Variants in NFIC observed in about 807,000 individuals in gnomAD.
The protein encoded by NFIC is nuclear factor I C.
In NFIC, 12 loss-of-function variants were observed where a neutral mutation model predicts 54.4. The observed-to-expected ratio is 0.22, with a 90% CI of 0.14 to 0.36. NFIC has a LOEUF of 0.36. Ranked by LOEUF, NFIC falls within the 10% of genes least tolerant of loss-of-function variation. The pLI, the probability that NFIC is intolerant of heterozygous loss-of-function variation, is 1.00. For missense variants in NFIC, 575 were observed against 718.2 expected (o/e 0.80, Z 2.28); for synonymous variants, 322 against 319.2 (o/e 1.01, Z -0.09).
intron 2 of NFIC, among the ~76,000 whole-genome samples, chr19:3,404,634 G>C (rs913085982): frequency 1.3e-5 from 2 of 151,984 alleles, no homozygotes; most frequent in African/African-American, 4.8e-5. Flanking sequence ...GGGTGCCCGA[G>C]GCCGGTGCCA....
At chr19:3,435,014 A>C in intron 5 of NFIC, 69 bp from the exon 6 acceptor site, 1 of 1,479,498 alleles carries the variant, frequency 6.8e-7, no homozygotes, top group Non-Finnish European at 9.1e-7. Flanking sequence ...GAAGTAGCAA[A>C]GCCCGCCGTC....
chr19:3,468,220 A>G lies in NFIC; in HGVS notation c.*5451A>G, dbSNP rs2082742973. On this transcript the variant is annotated 3_prime_UTR_variant, in exon 11 of 11. Coordinates refer to ENST00000443272, the MANE Select transcript of NFIC (RefSeq NM_001245002.2). ...CCCGTCCATGGCAGCCCCCTCCCCA[A>G]GGCTTTGCTCACACCTGAGACAGGA... 1 of 84,152 alleles carries G rather than the reference A, an allele frequency of 1.2e-5. No homozygotes were observed. The highest frequency in any genetic ancestry group is 2.3e-5 in the Non-Finnish European group (1 of 43,050). 5.2% of individuals were successfully genotyped at this position (84,152 alleles called of 1,614,324 possible).
intron 6 of NFIC, among the ~76,000 whole-genome samples, chr19:3,446,316 G>T (rs1042643813): frequency 6.6e-6 from 1 of 152,132 alleles, no homozygotes; most frequent in African/African-American, 2.4e-5. Flanking sequence ...AACCCAGAGG[G>T]TCTCACCCAC....
intron 1 of NFIC, among the ~76,000 whole-genome samples, chr19:3,367,436 G>T (rs575723898): frequency 9.9e-5 from 15 of 152,188 alleles, no homozygotes; most frequent in African/African-American, 3.1e-4. Context: ...GCACTGCGGC[G>T]CTGCGGACGC....
chr19:3,430,323 A>G (rs891632448), intron 3 of NFIC, among the ~76,000 whole-genome samples: 7 of 151,634 alleles, frequency 4.6e-5, no homozygotes, highest in African/African-American at 1.7e-4. Flanking sequence ...TCCTGGTTCA[A>G]GCAATTCTCA....
chr19:3,444,080 C>T (rs943193966), intron 6 of NFIC, among the ~76,000 whole-genome samples: 2 of 134,288 alleles, frequency 1.5e-5, no homozygotes, highest in African/African-American at 2.6e-5. Flanking sequence ...GCTGCTCCGA[C>T]GGGGTGATGA....
At chr19:3,385,083 C>T (rs1467334833) in intron 2 of NFIC, among the ~76,000 whole-genome samples, 2 of 146,630 alleles carry the variant, frequency 1.4e-5, no homozygotes, top group East Asian at 4.3e-4. Context: ...GTTGGCCTCT[C>T]TGAGTGAAGG....
intron 9 of NFIC, among the ~76,000 whole-genome samples, chr19:3,454,987 G>A (rs28520655): frequency 6.6e-6 from 1 of 152,190 alleles, no homozygotes; most frequent in Admixed American, 6.5e-5. Flanking sequence ...TGTGACCTCA[G>A]GCAGGTGTCT....
chr19:3,420,552 C>CAAAAAAAA (rs138825735), intron 2 of NFIC, among the ~76,000 whole-genome samples: 3 of 38,142 alleles, frequency 7.9e-5, no homozygotes, highest in African/African-American at 1.8e-4. Flanking sequence ...GATTCCATCT[C>CAAAAAAAA]AAAAAAATAA....
intron 10 of NFIC, among the ~76,000 whole-genome samples, chr19:3,460,508 T>C (rs950754461): frequency 6.6e-6 from 1 of 152,054 alleles, no homozygotes; most frequent in African/African-American, 2.4e-5. Context: ...TTTTTTGTTT[T>C]TTTTTGGTTT....
intron 2 of NFIC, among the ~76,000 whole-genome samples, chr19:3,394,811 A>G (rs1005706627): frequency 6.6e-6 from 1 of 151,940 alleles, no homozygotes; most frequent in African/African-American, 2.4e-5. Context: ...CCCCATGGTG[A>G]ACTGAACATA....
rs1410918014 is a variant in NFIC at position 3,375,381 on chromosome 19, A to G, written c.31-6331A>G. On this transcript the variant is annotated intron_variant, in intron 1 of 10. Transcript: ENST00000443272. This position sits in a 1 kb window ranked among gnomAD's most constrained non-coding sequence, Gnocchi z 4.6. ...TCCCACTGTGCCCCCCACCACCCCC[A>G]CTGCCCGGCTTCCCTGGCCAGACCA... is the stretch of plus-strand genomic sequence containing the variant. Among the ~76,000 whole-genome samples the G allele has an allele frequency of 2.7e-5, 4 of 148,512 alleles. No homozygotes were observed. The highest frequency in any genetic ancestry group is 1.5e-5 in the Non-Finnish European group (1 of 67,004).
chr19:3,452,977 T>A lies in NFIC; in HGVS notation c.1269+311T>A, dbSNP rs2082491586. ...GGGACTGGGCATAGCGGCTCATGCC[T>A]GTGATCCCAGCGCTTTCGGAGGCCA... On this transcript the variant is annotated intron_variant, in intron 8 of 10. Transcript: ENST00000443272. This position sits in a 1 kb window ranked among gnomAD's most constrained non-coding sequence, Gnocchi z 5.3. Among the ~76,000 whole-genome samples, 2 of 152,324 alleles carry A rather than the reference T, an allele frequency of 1.3e-5. No individual in the cohort carries two copies. Among genetic ancestry groups the A allele is most frequent in the South Asian group, 4.2e-4 (2 of 4,818 alleles).
chr19:3,359,740 TG>T, intron 1 of NFIC: 2 of 1,376,838 alleles, frequency 1.5e-6, no homozygotes, highest in Non-Finnish European at 1.9e-6. Flanking sequence ...GGGTGGTGCG[TG>T]GGCTCCGGGC....
At chr19:3,456,778 C>T (rs1776845628) in intron 10 of NFIC, 143 bp downstream of exon 10, 2 of 798,662 alleles carry the variant, frequency 2.5e-6, no homozygotes, top group South Asian at 1.6e-5. Flanking sequence ...CCACCTGGGC[C>T]TCGAGCCCCC....
intron 3 of NFIC, among the ~76,000 whole-genome samples, chr19:3,426,004 G>A (rs936157225): frequency 1.3e-4 from 16 of 122,094 alleles, no homozygotes; most frequent in Middle Eastern, 6.0e-3. Flanking sequence ...GCGCGATCTC[G>A]GCTCACTGCA....
intron 2 of NFIC, among the ~76,000 whole-genome samples, chr19:3,408,750 C>T (rs1218186045): frequency 2.0e-5 from 3 of 152,102 alleles, no homozygotes; most frequent in African/African-American, 2.4e-5. Flanking sequence ...TATAGGCGAC[C>T]GCCACCACAC....
At chr19:3,416,978 G>A (rs1263688864) in intron 2 of NFIC, among the ~76,000 whole-genome samples, 2 of 151,774 alleles carry the variant, frequency 1.3e-5, no homozygotes, top group East Asian at 3.9e-4. Flanking sequence ...CCGCCTGCCG[G>A]GTTCACGCCA....
rs906447570 is a variant in NFIC at position 3,370,833 on chromosome 19, C to T, written c.30+4167C>T. 6.6e-6 allele frequency among the ~76,000 whole-genome samples: 1 copy of T among 152,204 alleles called. No homozygotes were observed. The highest frequency in any genetic ancestry group is 2.4e-5 in the African/African-American group (1 of 41,454). ...CTGCCTGGGCCTCCTGCCCCGGACA[C>T]GGCCCGCCCCCCACTCTCCTGCCTG... is the stretch of plus-strand genomic sequence containing the variant. On this transcript the variant is annotated intron_variant, in intron 1 of 10. Transcript: ENST00000443272. This position sits in a 1 kb window ranked among gnomAD's most constrained non-coding sequence, Gnocchi z 5.2.
Sources: gnomAD v4.1 joint callset for allele counts (sites outside exome capture counted in the v4.1 genomes callset) on GRCh38, gnomAD v4.1.1 for gene constraint, Gnocchi (gnomAD v3.1) non-coding constraint, MANE v1.5 for transcripts, NCBI Gene and HGNC (gene_info 2026-07-23, HGNC 2026-07-21) for gene names.